The following SRR variants were observed in gnomAD, a reference collection of about 807,000 sequenced individuals.
SRR encodes D-serine ammonia-lyase.
In SRR, 19 loss-of-function variants were observed where a neutral mutation model predicts 32.7. The ratio of observed to expected loss-of-function variants is 0.58; its 90% confidence interval spans 0.40 to 0.85. The LOEUF (loss-of-function observed/expected upper bound fraction) is 0.85, where lower values mean the gene tolerates loss of function less well. Ranked by LOEUF, SRR falls within the 40% of genes least tolerant of loss-of-function variation. The pLI is 0.00. For synonymous variants in SRR, 142 were observed against 140.9 expected (o/e 1.01, Z -0.06); for missense variants, 373 against 404.7 (o/e 0.92, Z 0.67).
In SRR at chr17:2,324,755, GAAC is replaced by G; in HGVS notation, c.*886_*888del. On this transcript the variant is annotated 3_prime_UTR_variant, in exon 8 of 8. Transcript: ENST00000344595. The stretch of plus-strand genomic sequence containing the variant: ...AAAATTTTGAAAGGATGACCACTCA[GAAC>G]AACTCTCTTGATGACCATTCTGTCT... The G allele has an allele frequency of 1.9e-6, 3 of 1,614,170 alleles. No individual in the cohort carries two copies. The highest frequency in any genetic ancestry group is 2.5e-6 in the Non-Finnish European group (3 of 1,180,030).
In SRR at chr17:2,303,979, C is replaced by G. The variant is rs1451445319; in HGVS notation, c.-43C>G. Reference sequence around the variant, plus strand: ...GCAGAGGTGCGGCCGGGGAGGCGCGCGGAGGCTGGAGCTGGAGGCGCGGCG... The same window carrying G: ...GCAGAGGTGCGGCCGGGGAGGCGCGGGGAGGCTGGAGCTGGAGGCGCGGCG... On this transcript the variant is annotated 5_prime_UTR_variant, in exon 1 of 8. Transcript: ENST00000344595. 2 of 341,428 alleles carry G rather than the reference C, an allele frequency of 5.9e-6. No homozygotes were observed. Among genetic ancestry groups the G allele is most frequent in the Non-Finnish European group, 1.1e-5 (2 of 189,600 alleles). The allele number at this position is 341,428 out of a possible 1,614,324, so 21.1% of individuals were successfully genotyped here. A position where few individuals can be genotyped will look rare whatever the true frequency, so the allele number is the denominator to read the frequency against.
chr17:2,314,444 A>G (rs2075455535), intron 1 of SRR, among the ~76,000 whole-genome samples: 1 of 152,024 alleles, frequency 6.6e-6, no homozygotes, highest in African/African-American at 2.4e-5. Flanking sequence ...TTAGCCAGGC[A>G]TGGTGGCAGG....
intron 2 of SRR, 87 bp from the exon 3 acceptor site, chr17:2,317,783 G>A: frequency 7.1e-7 from 1 of 1,411,062 alleles, no homozygotes; most frequent in Non-Finnish European, 9.8e-7. Context: ...GGATGTGCAT[G>A]TTAAGGATAG....
At chr17:2,322,555 C>G (rs2075539358) in intron 6 of SRR, 1 of 152,356 alleles carries the variant, frequency 6.6e-6, no homozygotes, top group Admixed American at 6.6e-5. Flanking sequence ...GGCTGGAGTG[C>G]AGTGGCACGA....
At chr17:2,303,480 A>T, upstream of SRR, 1 of 1,324,474 alleles carries the variant, frequency 7.6e-7, no homozygotes, top group Non-Finnish European at 9.6e-7. Context: ...CGAGAGAGGT[A>T]GGGCAGCGAG....
intron 2 of SRR, among the ~76,000 whole-genome samples, chr17:2,317,463 G>C (rs957921878): frequency 6.6e-6 from 1 of 150,584 alleles, no homozygotes; most frequent in South Asian, 2.1e-4. Context: ...AGTGAGCCGA[G>C]ATCGCGCCAC....
chr17:2,306,852 G>A lies in SRR; in HGVS notation c.-5+2835G>A, dbSNP rs536471757. Reference sequence around the variant, plus strand: ...TTGAAACAACCAATGAGAGCCTGAGGAGCCATTCTGAGCAATGGGGAACAC... The same window carrying A: ...TTGAAACAACCAATGAGAGCCTGAGAAGCCATTCTGAGCAATGGGGAACAC... On this transcript the variant is annotated intron_variant, in intron 1 of 7. Transcript: ENST00000344595. The A allele has an allele frequency of 6.2e-4, 515 of 824,014 alleles. 1 individual carries two copies. Among genetic ancestry groups the A allele is most frequent in the Non-Finnish European group, 8.1e-4 (385 of 477,062 alleles). The allele number at this position is 824,014 out of a possible 1,614,324, so 51.0% of individuals were successfully genotyped here.
intron 4 of SRR, among the ~76,000 whole-genome samples, chr17:2,320,594 C>G (rs2075519816): frequency 6.6e-6 from 1 of 151,764 alleles, no homozygotes; most frequent in South Asian, 2.1e-4. Flanking sequence ...GGGTCTCACT[C>G]TGTCCAACCC....
At chr17:2,303,382 C>A, upstream of SRR, 2 of 1,236,078 alleles carry the variant, frequency 1.6e-6, no homozygotes, top group Non-Finnish European at 2.0e-6. Context: ...GTCACCTTCG[C>A]GGCGAGAAAG....
chr17:2,316,067 A>T (rs185113987), intron 2 of SRR, among the ~76,000 whole-genome samples: 1 of 152,154 alleles, frequency 6.6e-6, no homozygotes, highest in African/African-American at 2.4e-5. Context: ...CACCTATATG[A>T]TGGTGGTCCT....
intron 3 of SRR, 27 bp from the exon 4 acceptor site, chr17:2,318,799 C>CT: frequency 6.4e-7 from 1 of 1,568,000 alleles, no homozygotes; most frequent in Non-Finnish European, 8.8e-7. Flanking sequence ...ATTCTCCTGA[C>CT]TTTTTCCTCT....
chr17:2,316,799 A>G (rs979793257), intron 2 of SRR, among the ~76,000 whole-genome samples: 44 of 149,056 alleles, frequency 3.0e-4, no homozygotes, highest in Admixed American at 8.1e-4. Flanking sequence ...TGTAAGCTCC[A>G]CCTCCCAGGT....
rs199693978 is a variant in SRR at position 2,324,397 on chromosome 17, C to T, written c.*524C>T. 7.8e-5 allele frequency: 124 copies of T among 1,592,480 alleles called. 1 individual carries two copies. In the African/African-American group the frequency reaches 1.0e-3, roughly 13 times the overall value. On this transcript the variant is annotated 3_prime_UTR_variant, in exon 8 of 8. Coordinates refer to ENST00000344595, the MANE Select transcript of SRR (RefSeq NM_021947.3). ...TACCTAGAAAGACATCAGAACAAGT[C>T]GGTCAAATTAAAAGTAGAAAATTTT...
chr17:2,310,957 A>G (rs1399389829), intron 1 of SRR, among the ~76,000 whole-genome samples: 1 of 151,694 alleles, frequency 6.6e-6, no homozygotes, highest in Admixed American at 6.6e-5. Context: ...CATGTTAGCC[A>G]GGATGGTCTC....
upstream of SRR, chr17:2,303,557 CGG>C: frequency 1.5e-6 from 2 of 1,346,506 alleles, no homozygotes; most frequent in Non-Finnish European, 1.9e-6. Flanking sequence ...GAGGGCCGAG[CGG>C]GGAGGAGGCA....
At chr17:2,317,736 A>AT (rs2075488508) in intron 2 of SRR, 134 bp from the exon 3 acceptor site, 1 of 926,918 alleles carries the variant, frequency 1.1e-6, no homozygotes, top group Non-Finnish European at 1.6e-6. Flanking sequence ...CACATGAGAT[A>AT]TTTAAGAGGT....
At chr17:2,307,258 T>C in intron 1 of SRR, 3 of 1,191,134 alleles carry the variant, frequency 2.5e-6, no homozygotes, top group Non-Finnish European at 3.7e-6. Context: ...CATTCAGAAA[T>C]ACCATACTGT....
In SRR at chr17:2,324,914, A is replaced by T; in HGVS notation, c.*1041A>T. 2 of 1,477,766 alleles carry T rather than the reference A, an allele frequency of 1.4e-6. No individual in the cohort carries two copies. Among genetic ancestry groups the T allele is most frequent in the Non-Finnish European group, 1.8e-6 (2 of 1,113,838 alleles). 91.5% of individuals were successfully genotyped at this position (1,477,766 alleles called of 1,614,324 possible). ...GCCCAGTCCATTTAAAGACCCATGC[A>T]AGAGCCTGGTTTGTCATCCCTGCCC... On this transcript the variant is annotated 3_prime_UTR_variant, in exon 8 of 8. Coordinates refer to ENST00000344595, the MANE Select transcript of SRR (RefSeq NM_021947.3).
intron 1 of SRR, chr17:2,307,409 GT>G: frequency 8.2e-7 from 1 of 1,224,288 alleles, no homozygotes; most frequent in Non-Finnish European, 1.2e-6. Context: ...GACAACTTTG[GT>G]TGTGAAGGAA....
Sources: gnomAD v4.1 joint callset for allele counts (sites outside exome capture counted in the v4.1 genomes callset) on GRCh38, gnomAD v4.1.1 for gene constraint, MANE v1.5 for transcripts, NCBI Gene and HGNC (gene_info 2026-07-23, HGNC 2026-07-21) for gene names.